Variants in SFMBT2 observed in about 807,000 individuals in gnomAD.
SFMBT2 encodes Scm like with four mbt domains 2.
A neutral mutation model predicts 110.1 loss-of-function variants in SFMBT2; 38 were observed. The observed-to-expected ratio is 0.35, with a 90% confidence interval of 0.27 to 0.45. SFMBT2 has a LOEUF of 0.45. Among genes scored for constraint, SFMBT2 ranks in the 20% least tolerant of loss-of-function variants. The pLI is 1.00. For synonymous variants in SFMBT2, 425 were observed against 425.4 expected (o/e 1.00, Z 0.01); for missense variants, 1,011 against 1,094.9 (o/e 0.92, Z 1.08).
intron 11 of SFMBT2, chr10:7,214,510 A>T (rs1483847424): frequency 1.1e-6 from 1 of 950,284 alleles, no homozygotes; most frequent in Non-Finnish European, 1.3e-6. Context: ...GATTAGATTT[A>T]TTCCTGAGCT....
At chr10:7,169,120 G>A (rs1032460685) in intron 20 of SFMBT2, among the ~76,000 whole-genome samples, 1 of 151,802 alleles carries the variant, frequency 6.6e-6, no homozygotes, top group Admixed American at 6.6e-5. Flanking sequence ...CCACCACCAC[G>A]CCCAGCTAAT....
intron 2 of SFMBT2, among the ~76,000 whole-genome samples, chr10:7,374,080 T>C (rs1435979812): frequency 6.6e-6 from 1 of 152,108 alleles, no homozygotes; most frequent in Non-Finnish European, 1.5e-5. Flanking sequence ...CTGGTGAACA[T>C]GGTGAAACCC....
At chr10:7,309,158 C>T (rs1416892789) in intron 4 of SFMBT2, among the ~76,000 whole-genome samples, 1 of 152,282 alleles carries the variant, frequency 6.6e-6, no homozygotes, top group East Asian at 1.9e-4. Flanking sequence ...GTGGATAGAC[C>T]TCATCTAATC....
intron 7 of SFMBT2, among the ~76,000 whole-genome samples, chr10:7,271,291 C>A (rs866610594): frequency 0.01 from 993 of 97,270 alleles, no homozygotes; most frequent in Non-Finnish European, 0.011. Context: ...AGATTGCCTC[C>A]AAAAAAAAAA....
At chr10:7,182,683 C>T (rs1838280080) in intron 16 of SFMBT2, among the ~76,000 whole-genome samples, 1 of 126,300 alleles carries the variant, frequency 7.9e-6, no homozygotes, top group Non-Finnish European at 1.5e-5. Context: ...CACATGGACA[C>T]AGGTAGGGGA....
intron 9 of SFMBT2, among the ~76,000 whole-genome samples, chr10:7,232,047 A>G (rs1840120986): frequency 6.6e-6 from 1 of 152,188 alleles, no homozygotes; most frequent in Non-Finnish European, 1.5e-5. Flanking sequence ...GAAGAAAATG[A>G]AAGGAAATAA....
At position 7,172,404 on chromosome 10, in the gene SFMBT2, CA is replaced by C; in HGVS notation, c.2151+90del. The C allele has an allele frequency of 6.3e-7, 1 of 1,590,090 alleles. No individual in the cohort carries two copies. The highest frequency in any genetic ancestry group is 8.5e-7 in the Non-Finnish European group (1 of 1,169,810). On this transcript the variant is annotated intron_variant, in intron 18 of 20. Transcript: ENST00000397167. The surrounding 1 kb of genome is among the most constrained non-coding windows in gnomAD (Gnocchi z 4.6). ...TTTCTGACCATCTTGCCACAATCTC[CA>C]GGGCCACCTCTGCTGTGAAGCAGCC...
At chr10:7,304,786 G>A (rs192593146) in intron 4 of SFMBT2, among the ~76,000 whole-genome samples, 17 of 152,304 alleles carry the variant, frequency 1.1e-4, no homozygotes, top group Admixed American at 9.8e-4. Context: ...AGAGAAGAGG[G>A]ACAAACACCA....
chr10:7,393,024 T>A (rs1300787917), intron 1 of SFMBT2, among the ~76,000 whole-genome samples: 3 of 71,000 alleles, frequency 4.2e-5, no homozygotes, highest in Admixed American at 2.3e-4. Flanking sequence ...TATATATATA[T>A]ATATATATAT....
chr10:7,300,473 T>G (rs1216812194), intron 4 of SFMBT2, among the ~76,000 whole-genome samples: 1 of 152,202 alleles, frequency 6.6e-6, no homozygotes, highest in African/African-American at 2.4e-5. Context: ...ACATTCCTGG[T>G]CAACCCTCAG....
At chr10:7,166,145 C>T (rs1169552896) in intron 20 of SFMBT2, among the ~76,000 whole-genome samples, 1 of 152,236 alleles carries the variant, frequency 6.6e-6, no homozygotes, top group East Asian at 1.9e-4. Context: ...TGTTCAATGA[C>T]ATCCATAGAA....
At position 7,283,442 on chromosome 10, in the gene SFMBT2, CTGGATGGATAGGTGGATGAATGGA is replaced by C. The variant is rs570072116; in HGVS notation, c.772+438_772+461del. Among the ~76,000 whole-genome samples, 306 of 152,074 alleles carry C rather than the reference CTGGATGGATAGGTGGATGAATGGA, an allele frequency of 2.0e-3. 2 individuals carry two copies. Among genetic ancestry groups the C allele is most frequent in the Middle Eastern group, 6.8e-3 (2 of 294 alleles). ...GGATGGTCAGATAAATAGATGAATG[CTGGATGGATAGGTGGATGAATGGA>C]TGGATGAATAGATAAATGGATAGAT... On this transcript the variant is annotated intron_variant, in intron 6 of 20. Coordinates refer to ENST00000397167, the MANE Select transcript of SFMBT2 (RefSeq NM_001387889.1).
chr10:7,305,297 G>C (rs1438983009), intron 4 of SFMBT2, among the ~76,000 whole-genome samples: 2 of 152,188 alleles, frequency 1.3e-5, no homozygotes, highest in Non-Finnish European at 2.9e-5. Flanking sequence ...CAGTGTGCTA[G>C]ATTCTATAAA....
chr10:7,284,250 C>T, intron 5 of SFMBT2, 100 bp from the exon 6 acceptor site: 1 of 1,530,624 alleles, frequency 6.5e-7, no homozygotes, highest in Non-Finnish European at 8.7e-7. Flanking sequence ...CACCATCATC[C>T]AAGGTACTGG....
At chr10:7,377,079 G>A (rs1281159867) in intron 2 of SFMBT2, among the ~76,000 whole-genome samples, 1 of 147,946 alleles carries the variant, frequency 6.8e-6, no homozygotes, top group Non-Finnish European at 1.5e-5. Flanking sequence ...TGAGGCAGGA[G>A]GATCACTTGA....
At chr10:7,376,211 C>T (rs1009995466) in intron 2 of SFMBT2, among the ~76,000 whole-genome samples, 9 of 152,190 alleles carry the variant, frequency 5.9e-5, no homozygotes, top group East Asian at 1.9e-4. Flanking sequence ...TTGGAATTTC[C>T]GCACACTTCC....
In SFMBT2 at chr10:7,367,643, G is replaced by C. The variant is rs770235371; in HGVS notation, c.436+6C>G. ...GTAAATCGAAGCCTTTGAAACAGGG[G>C]CTCACCGTCCGGCGGCATCAACACC... On this transcript the variant is annotated splice_donor_region_variant and intron_variant, in intron 4 of 20. Transcript: ENST00000397167. This position sits in a 1 kb window ranked among gnomAD's most constrained non-coding sequence, Gnocchi z 6.2. 2.5e-6 allele frequency: 4 copies of C among 1,604,978 alleles called. No homozygotes were observed. The highest frequency in any genetic ancestry group is 2.6e-6 in the Non-Finnish European group (3 of 1,173,876).
At chr10:7,212,915 T>C (rs1395814216) in intron 11 of SFMBT2, among the ~76,000 whole-genome samples, 1 of 152,122 alleles carries the variant, frequency 6.6e-6, no homozygotes, top group African/African-American at 2.4e-5. Context: ...AAAGAATGAG[T>C]TCATGTCCTT....
At chr10:7,377,979 TG>T (rs1360283575) in intron 2 of SFMBT2, among the ~76,000 whole-genome samples, 1 of 30,954 alleles carries the variant, frequency 3.2e-5, no homozygotes, top group Non-Finnish European at 6.8e-5. Context: ...GTTGTGTGTG[TG>T]GGGGGGAGGT....
Sources: gnomAD v4.1 joint callset for allele counts (sites outside exome capture counted in the v4.1 genomes callset) on GRCh38, gnomAD v4.1.1 for gene constraint, Gnocchi (gnomAD v3.1) non-coding constraint, MANE v1.5 for transcripts, NCBI Gene and HGNC (gene_info 2026-07-23, HGNC 2026-07-21) for gene names.